MYO1H: variants seen among roughly 807,000 people sequenced by gnomAD.
MYO1H encodes myosin IH.
A neutral mutation model predicts 149.3 loss-of-function variants in MYO1H; 118 were observed. The observed-to-expected ratio is 0.79, with a 90% CI of 0.68 to 0.92. The LOEUF (loss-of-function observed/expected upper bound fraction) is 0.92. Ranked by LOEUF, MYO1H falls within the 40% of genes least tolerant of loss-of-function variation. MYO1H has a pLI of 0.00. For synonymous variants in MYO1H, 447 were observed against 465.2 expected (o/e 0.96, Z 0.50); for missense variants, 1,212 against 1,280.7 (o/e 0.95, Z 0.82).
chr12:109,360,652 G>A (rs1355778477), intron 1 of MYO1H, among the ~76,000 whole-genome samples: 1 of 149,664 alleles, frequency 6.7e-6, no homozygotes, highest in East Asian at 2.0e-4. Flanking sequence ...GAAGATGTGT[G>A]AACTGGAGTC....
intron 27 of MYO1H, 44 bp downstream of exon 27, chr12:109,442,316 C>T (rs778304102): frequency 4.5e-6 from 7 of 1,569,660 alleles, no homozygotes; most frequent in East Asian, 2.2e-5. Context: ...ATTCCCTCAT[C>T]GAGTCTAAGA....
At chr12:109,401,153 C>A in exon 6 of MYO1H, 2 of 1,613,880 alleles carry the variant, frequency 1.2e-6, no homozygotes, top group East Asian at 2.2e-5. Context: ...AGTTGTCTAC[C>A]AAAACGAAGG....
At chr12:109,435,632 G>A (rs1167536813) in intron 21 of MYO1H, among the ~76,000 whole-genome samples, 4 of 152,226 alleles carry the variant, frequency 2.6e-5, no homozygotes, top group Admixed American at 2.6e-4. Flanking sequence ...CCTGCTGTGC[G>A]CCAGGTGAAC....
intron 13 of MYO1H, among the ~76,000 whole-genome samples, chr12:109,411,655 G>A (rs908945603): frequency 2.6e-5 from 4 of 152,066 alleles, no homozygotes; most frequent in Non-Finnish European, 5.9e-5. Flanking sequence ...TGAGTCAGAT[G>A]GTCAGAGTGT....
chr12:109,439,184 C>G lies in MYO1H; in HGVS notation c.2295-447C>G, dbSNP rs557600117. ...CCGCCTTCTGGGTTCAAGCGATTCT[C>G]CTGCCTCAGCCTTCCAAGTAGCTGA... On this transcript the variant is annotated intron_variant, in intron 23 of 31. Transcript: ENST00000310903. 3.9e-5 allele frequency among the ~76,000 whole-genome samples: 6 copies of G among 152,262 alleles called. No individual in the cohort carries two copies. In the East Asian group the frequency reaches 1.2e-3, roughly 29 times the overall value.
intron 1 of MYO1H, among the ~76,000 whole-genome samples, chr12:109,369,610 A>G (rs1377381317): frequency 6.6e-6 from 1 of 152,226 alleles, no homozygotes. Context: ...ATGTTACAGG[A>G]CATATGGCCA....
chr12:109,430,360 C>A (rs1871557907), intron 19 of MYO1H, among the ~76,000 whole-genome samples: 1 of 152,194 alleles, frequency 6.6e-6, no homozygotes, highest in Non-Finnish European at 1.5e-5. Context: ...AGGTACTAGT[C>A]CCTCCAACCT....
At chr12:109,447,948 G>A (rs571075336) in exon 32 of MYO1H, 2 of 152,362 alleles carry the variant, frequency 1.3e-5, no homozygotes, top group South Asian at 4.1e-4. Context: ...GCGCAAAAGC[G>A]TGTAGCGAGC....
At chr12:109,404,068 A>C (rs1245512475) in exon 7 of MYO1H, 3 of 1,613,112 alleles carry the variant, frequency 1.9e-6, no homozygotes, top group Non-Finnish European at 2.5e-6. Context: ...ATTTTACTGA[A>C]GCTGACCTCG....
chr12:109,345,317 CA>C (rs1418668120), upstream of MYO1H, among the ~76,000 whole-genome samples: 10 of 151,974 alleles, frequency 6.6e-5, no homozygotes, highest in African/African-American at 9.7e-5. Flanking sequence ...GACAGTTCTC[CA>C]AAAAAGGTAT....
At chr12:109,313,771 G>A in the MYO1H span, among the ~76,000 whole-genome samples, 512 of 151,994 alleles carry the variant, frequency 3.4e-3, 7 homozygotes, top group East Asian at 0.062. Flanking sequence ...AGTTGCAAGA[G>A]CATTTTTTTT....
At chr12:109,401,129 A>G in exon 6 of MYO1H, 1 of 1,613,900 alleles carries the variant, frequency 6.2e-7, no homozygotes, top group Non-Finnish European at 8.5e-7. Context: ...CAGTTACTTG[A>G]TAGAGAAGTC....
At chr12:109,435,586 C>A (rs961944752) in intron 21 of MYO1H, among the ~76,000 whole-genome samples, 1 of 152,138 alleles carries the variant, frequency 6.6e-6, no homozygotes, top group African/African-American at 2.4e-5. Flanking sequence ...GAAATGTAAC[C>A]GGTCTGTCAA....
chr12:109,410,573 G>A, intron 12 of MYO1H, 115 bp from the exon 13 acceptor site: 1 of 700,608 alleles, frequency 1.4e-6, no homozygotes, highest in Non-Finnish European at 2.5e-6. Flanking sequence ...ATTTGTTTAA[G>A]GTTGAATATA....
At chr12:109,404,216 A>G in intron 7 of MYO1H, 136 bp downstream of exon 7, 1 of 669,936 alleles carries the variant, frequency 1.5e-6, no homozygotes, top group Non-Finnish European at 2.6e-6. Flanking sequence ...GGTGGCGCAC[A>G]CCTGTAATTC....
chr12:109,364,055 T>C (rs1436659191), intron 1 of MYO1H, among the ~76,000 whole-genome samples: 2 of 150,112 alleles, frequency 1.3e-5, no homozygotes, highest in African/African-American at 2.5e-5. Context: ...ACAAAAAATA[T>C]GTTAGCCGGG....
At position 109,407,912 on chromosome 12, in the gene MYO1H, AG is replaced by A. The variant is rs1453445913; in HGVS notation, c.1155+1del. The A allele has an allele frequency of 2.5e-6, 4 of 1,613,940 alleles. No homozygotes were observed. The highest frequency in any genetic ancestry group is 2.5e-6 in the Non-Finnish European group (3 of 1,179,880). ...AAAATCAATTCCTCCTTAGTTAACA[AG>A]GTTGGTCAACGCATTTTGGATCCCT... On this transcript the variant is annotated frameshift_variant and splice_region_variant, in exon 10 of 32. Transcript: ENST00000310903. LOFTEE classifies it high-confidence loss of function.
At position 109,380,808 on chromosome 12, in the gene MYO1H, T is replaced by C. The variant is rs181603832; in HGVS notation, c.13-7875T>C. On this transcript the variant is annotated intron_variant, in intron 1 of 31. Transcript: ENST00000310903. Reference sequence around the variant, plus strand: ...TAAAAATACAAAAATTAGCCAGGCATGGTGGCCCGCACCAGTAGTCCCAAC... The same window carrying C: ...TAAAAATACAAAAATTAGCCAGGCACGGTGGCCCGCACCAGTAGTCCCAAC... Among the ~76,000 whole-genome samples, 469 of 152,162 alleles carry C rather than the reference T, an allele frequency of 3.1e-3. 2 individuals carry two copies. The highest frequency in any genetic ancestry group is 0.011 in the African/African-American group (448 of 41,504).
intron 1 of MYO1H, among the ~76,000 whole-genome samples, chr12:109,383,438 A>G (rs992913718): frequency 1.3e-5 from 2 of 152,222 alleles, no homozygotes; most frequent in African/African-American, 4.8e-5. Context: ...TTCAGCTACA[A>G]TAACAAACAG....
Sources: gnomAD v4.1 joint callset for allele counts (sites outside exome capture counted in the v4.1 genomes callset) on GRCh38, gnomAD v4.1.1 for gene constraint, MANE v1.5 for transcripts, NCBI Gene and HGNC (gene_info 2026-07-23, HGNC 2026-07-21) for gene names.